TNS1: variants seen among roughly 807,000 people sequenced by gnomAD.
The protein encoded by TNS1 is tensin-1.
In TNS1, 62 loss-of-function variants were observed where a neutral mutation model predicts 168.6. That is an observed-to-expected ratio of 0.37 (90% CI 0.30 to 0.45). The LOEUF (loss-of-function observed/expected upper bound fraction) is 0.45, where lower values mean the gene tolerates loss of function less well. TNS1 is among the 20% of genes least tolerant of loss of function. The pLI is 1.00. For synonymous variants in TNS1, 934 were observed against 933.2 expected (o/e 1.00, Z -0.02); for missense variants, 2,240 against 2,339.4 (o/e 0.96, Z 0.88).
At chr2:217,853,792 G>A (rs1947806789) in intron 18 of TNS1, among the ~76,000 whole-genome samples, 1 of 152,204 alleles carries the variant, frequency 6.6e-6, no homozygotes, top group African/African-American at 2.4e-5. Context: ...GGAAAGCTCT[G>A]AGGAAAATCC....
chr2:217,802,896 T>C lies in TNS1; in HGVS notation c.*1563A>G, dbSNP rs1420894791. The C allele has an allele frequency of 6.5e-6, 1 of 152,696 alleles. No individual in the cohort carries two copies. The highest frequency in any genetic ancestry group is 1.5e-5 in the Non-Finnish European group (1 of 68,052). The allele number at this position is 152,696 out of a possible 1,614,324, so 9.5% of individuals were successfully genotyped here. ...AATGCCTCTCTCTAGGGGACTCGCATAGGCTTAAGAATGGAGTCCTGGTGA... is the reference window on the plus strand; with the variant it reads ...AATGCCTCTCTCTAGGGGACTCGCACAGGCTTAAGAATGGAGTCCTGGTGA... On this transcript the variant is annotated 3_prime_UTR_variant, in exon 33 of 33. Coordinates refer to ENST00000682258, the MANE Select transcript of TNS1 (RefSeq NM_001387777.1).
chr2:217,910,058 G>A (rs1328364092), intron 4 of TNS1, among the ~76,000 whole-genome samples: 1 of 152,134 alleles, frequency 6.6e-6, no homozygotes, highest in East Asian at 1.9e-4. Context: ...GCCCTCTCCA[G>A]CCCACCCTGC....
chr2:217,900,590 C>T (rs879014818), intron 6 of TNS1, 78 bp from the exon 7 acceptor site: 42 of 1,389,406 alleles, frequency 3.0e-5, no homozygotes, highest in Admixed American at 1.0e-4. Context: ...GAGCTGTCCA[C>T]GGGGGCAAAC....
At chr2:217,917,585 A>G (rs1955173242) in intron 4 of TNS1, among the ~76,000 whole-genome samples, 1 of 152,120 alleles carries the variant, frequency 6.6e-6, no homozygotes, top group Admixed American at 6.5e-5. Flanking sequence ...TAATCCCAGC[A>G]CTTTGAGAGG....
At chr2:217,959,985 A>G (rs531673975) in intron 3 of TNS1, among the ~76,000 whole-genome samples, 1 of 152,154 alleles carries the variant, frequency 6.6e-6, no homozygotes, top group Non-Finnish European at 1.5e-5. Flanking sequence ...AGGAGGGTGG[A>G]GAAGGAAGCC....
chr2:217,899,202 G>T (rs1225815605), intron 7 of TNS1, among the ~76,000 whole-genome samples: 4 of 152,202 alleles, frequency 2.6e-5, no homozygotes, highest in Non-Finnish European at 5.9e-5. Context: ...CAAGGATGAG[G>T]CATGGCAGGA....
chr2:217,898,519 C>T (rs751506533), intron 7 of TNS1, among the ~76,000 whole-genome samples: 3 of 152,378 alleles, frequency 2.0e-5, no homozygotes, highest in Middle Eastern at 3.4e-3. Flanking sequence ...GTGACACGTT[C>T]ACCTGGGTTC....
chr2:218,020,037 T>C (rs762558784), intron 1 of TNS1, among the ~76,000 whole-genome samples: 2 of 152,148 alleles, frequency 1.3e-5, no homozygotes, highest in Non-Finnish European at 2.9e-5. Context: ...AGTGGGTCGA[T>C]TGAACACACA....
At chr2:218,005,857 C>T (rs1267229821), upstream of TNS1, among the ~76,000 whole-genome samples, 1 of 152,226 alleles carries the variant, frequency 6.6e-6, no homozygotes, top group African/African-American at 2.4e-5. Flanking sequence ...TCAGTGCCAC[C>T]CTATCTGCAG....
chr2:217,834,985 G>C, intron 21 of TNS1, 106 bp downstream of exon 21: 1 of 954,588 alleles, frequency 1.0e-6, no homozygotes, highest in Non-Finnish European at 1.5e-6. Flanking sequence ...CCCCACCTGG[G>C]GCACTGTCAC....
intron 32 of TNS1, 141 bp from the exon 33 acceptor site, chr2:217,804,744 G>A: frequency 9.3e-7 from 1 of 1,070,648 alleles, no homozygotes; most frequent in East Asian, 2.6e-5. Context: ...CAGGGACTCA[G>A]AGAGGTGCAG....
intron 1 of TNS1, among the ~76,000 whole-genome samples, chr2:218,017,783 C>T (rs1055194536): frequency 1.3e-5 from 2 of 152,228 alleles, no homozygotes; most frequent in African/African-American, 2.4e-5. Context: ...CCTGATTCAT[C>T]GAGGTACCCT....
At chr2:217,888,395 T>C (rs1168572238) in intron 12 of TNS1, among the ~76,000 whole-genome samples, 1 of 152,150 alleles carries the variant, frequency 6.6e-6, no homozygotes, top group Non-Finnish European at 1.5e-5. Context: ...CTTCCACATC[T>C]GGGCTCAGAG....
chr2:217,879,470 G>A (rs1407133221), intron 18 of TNS1: 2 of 453,168 alleles, frequency 4.4e-6, no homozygotes, highest in South Asian at 3.1e-5. Context: ...GGGGTCGGAG[G>A]GGCCTGGTGG....
At chr2:217,966,260 G>A (rs1440261364) in intron 3 of TNS1, among the ~76,000 whole-genome samples, 1 of 149,422 alleles carries the variant, frequency 6.7e-6, no homozygotes, top group Non-Finnish European at 1.5e-5. Context: ...GCTATGGGGA[G>A]CAGGCTGCGT....
intron 20 of TNS1, among the ~76,000 whole-genome samples, chr2:217,835,449 T>C (rs545934280): frequency 6.6e-6 from 1 of 152,308 alleles, no homozygotes; most frequent in Non-Finnish European, 1.5e-5. Context: ...ATCTGAATCT[T>C]CCAGGGCACA....
rs375429672 is a variant in TNS1 at position 217,957,972 on chromosome 2, T to C, written c.186+20793A>G. On this transcript the variant is annotated intron_variant, in intron 3 of 32. Coordinates refer to ENST00000682258, the MANE Select transcript of TNS1 (RefSeq NM_001387777.1). ...CATTGCATCATTCTTGGTACTTCTGTATAGGTTTTAAATCTCCCATAATAA... is the reference window on the plus strand; with the variant it reads ...CATTGCATCATTCTTGGTACTTCTGCATAGGTTTTAAATCTCCCATAATAA... Among the ~76,000 whole-genome samples the C allele has an allele frequency of 9.7e-5, 14 of 145,074 alleles. 1 individual carries two copies. The East Asian group carries it at 1.8e-3, about 19-fold the overall frequency.
chr2:217,844,682 G>T (rs1488527725), intron 19 of TNS1, among the ~76,000 whole-genome samples: 2 of 152,146 alleles, frequency 1.3e-5, no homozygotes, highest in Non-Finnish European at 2.9e-5. Flanking sequence ...CTCCTGCAGA[G>T]CTTTCTCCTT....
intron 6 of TNS1, among the ~76,000 whole-genome samples, chr2:217,902,725 G>A (rs534829986): frequency 5.9e-5 from 9 of 152,292 alleles, no homozygotes; most frequent in Admixed American, 2.6e-4. Flanking sequence ...TCCACCGGGC[G>A]GGGAGGGGAG....
Sources: allele counts gnomAD v4.1 joint callset (sites outside exome capture counted in the v4.1 genomes callset), GRCh38; gene constraint gnomAD v4.1.1; transcripts MANE v1.5; gene names NCBI Gene and HGNC (gene_info 2026-07-23, HGNC 2026-07-21).